Variants in WDR7 observed in about 807,000 individuals in gnomAD.
WDR7 encodes WD repeat domain 7, also known as WD repeat-containing protein 7.
Under a neutral mutation model 169.4 loss-of-function variants are expected in WDR7, and 46 were observed. That is an observed-to-expected ratio of 0.27 (90% confidence interval 0.21 to 0.35). The LOEUF (loss-of-function observed/expected upper bound fraction) is 0.35, where lower values mean the gene tolerates loss of function less well. Among genes scored for constraint, WDR7 ranks in the 10% least tolerant of loss-of-function variants. WDR7 has a pLI of 1.00. For synonymous variants in WDR7, 612 were observed against 666.8 expected (o/e 0.92, Z 1.27); for missense variants, 1,534 against 1,859.3 (o/e 0.83, Z 3.22).
At chr18:56,665,394 A>C (rs1348466027) in intron 1 of WDR7, among the ~76,000 whole-genome samples, 2 of 20,936 alleles carry the variant, frequency 9.6e-5, no homozygotes, top group East Asian at 0.036. Context: ...TGGGGCAAAA[A>C]CAAACAAACA....
At chr18:56,898,802 G>T (rs893907799) in intron 21 of WDR7, among the ~76,000 whole-genome samples, 1 of 152,042 alleles carries the variant, frequency 6.6e-6, no homozygotes, top group East Asian at 1.9e-4. Context: ...CAAAAAGGGC[G>T]CTGGTGAAGC....
chr18:56,854,205 G>A (rs2045683091), intron 20 of WDR7, among the ~76,000 whole-genome samples: 1 of 152,210 alleles, frequency 6.6e-6, no homozygotes, highest in South Asian at 2.1e-4. Flanking sequence ...TCCTCACACT[G>A]TCTGCCGGGA....
At chr18:56,972,010 CTG>C (rs1201489135) in intron 26 of WDR7, among the ~76,000 whole-genome samples, 1 of 152,070 alleles carries the variant, frequency 6.6e-6, no homozygotes, top group African/African-American at 2.4e-5. Context: ...TATTAAATAA[CTG>C]AATGCTGACA....
chr18:56,769,902 G>A (rs113325863), intron 16 of WDR7, among the ~76,000 whole-genome samples: 2,014 of 152,114 alleles, frequency 0.013, 22 homozygotes, highest in East Asian at 0.033. Flanking sequence ...AAAATTTGGC[G>A]GATTTGACTT....
chr18:56,755,172 T>A (rs548496399), intron 14 of WDR7, among the ~76,000 whole-genome samples: 15 of 152,200 alleles, frequency 9.9e-5, no homozygotes, highest in Non-Finnish European at 1.6e-4. Flanking sequence ...TCATTAGTCC[T>A]ATTTCTGGAA....
At chr18:56,885,587 G>A (rs2046177143) in intron 21 of WDR7, among the ~76,000 whole-genome samples, 1 of 151,880 alleles carries the variant, frequency 6.6e-6, no homozygotes, top group South Asian at 2.1e-4. Context: ...CACTTTGGGA[G>A]GCCCAGGCGG....
In WDR7 at chr18:56,756,593, C is replaced by T. The variant is rs1347820098; in HGVS notation, c.2000C>T (p.Pro667Leu). ...ASEASDKGNL[P>L]KYSHNSLMVQ... is the part of the protein sequence containing the mutation. ...AAATATTTATTACAGGGAAATTTAC[C>T]TAAATATTCTCATAACTCCCTGATG... is the stretch of plus-strand genomic sequence containing the variant. The change falls in exon 15 of 28, where the codon CCT becomes CTT. Residue 667 changes from proline to leucine, a missense_variant. By Grantham distance (98) the Pro-to-Leu change is moderately conservative (BLOSUM62 -3). Coordinates refer to ENST00000254442, the MANE Select transcript of WDR7 (RefSeq NM_015285.3). 1.3e-5 allele frequency: 20 copies of T among 1,569,004 alleles called. No homozygotes were observed. The highest frequency in any genetic ancestry group is 1.6e-5 in the Non-Finnish European group (19 of 1,160,816).
intron 14 of WDR7, among the ~76,000 whole-genome samples, chr18:56,733,589 T>C (rs2026634208): frequency 6.6e-6 from 1 of 152,210 alleles, no homozygotes; most frequent in African/African-American, 2.4e-5. Context: ...ATCAGGGCTA[T>C]ATGGAAGTAA....
intron 20 of WDR7, among the ~76,000 whole-genome samples, chr18:56,864,623 C>T (rs1031140553): frequency 6.6e-6 from 1 of 151,616 alleles, no homozygotes; most frequent in Admixed American, 6.6e-5. Context: ...ATGTATTTAA[C>T]CTCTCGGGTA....
intron 16 of WDR7, among the ~76,000 whole-genome samples, chr18:56,762,605 T>C (rs2043995494): frequency 6.6e-6 from 1 of 152,002 alleles, no homozygotes; most frequent in African/African-American, 2.4e-5. Context: ...TATGTCCTTG[T>C]TTTTATTCCT....
At chr18:56,819,089 A>G (rs1289518963) in intron 20 of WDR7, among the ~76,000 whole-genome samples, 1 of 152,196 alleles carries the variant, frequency 6.6e-6, no homozygotes, top group Non-Finnish European at 1.5e-5. Flanking sequence ...CACTAAAGGC[A>G]GAATACTTTT....
At chr18:56,911,957 C>T (rs1304621091) in intron 21 of WDR7, among the ~76,000 whole-genome samples, 2 of 152,102 alleles carry the variant, frequency 1.3e-5, no homozygotes, top group Admixed American at 6.5e-5. Context: ...TCTACATTAG[C>T]GCGAATGGAT....
chr18:56,974,412 T>C (rs1254500861), intron 26 of WDR7, among the ~76,000 whole-genome samples: 1 of 145,726 alleles, frequency 6.9e-6, no homozygotes, highest in African/African-American at 2.7e-5. Context: ...TTGCCCAAGC[T>C]GGAGTGCAGT....
intron 20 of WDR7, chr18:56,872,596 T>C (rs749618338): frequency 2.6e-5 from 4 of 152,184 alleles, no homozygotes; most frequent in African/African-American, 4.8e-5. Flanking sequence ...TGAGACCACG[T>C]ATCATTTTCA....
chr18:56,907,087 G>A (rs2046488392), intron 21 of WDR7, among the ~76,000 whole-genome samples: 1 of 152,176 alleles, frequency 6.6e-6, no homozygotes, highest in African/African-American at 2.4e-5. Context: ...AGCTTTCCAA[G>A]TCTGTGTGTT....
rs901328279 is a variant in WDR7 at position 57,003,381 on chromosome 18, A to T, written c.4165-17364A>T. Among the ~76,000 whole-genome samples, 15 of 152,110 alleles carry T rather than the reference A, an allele frequency of 9.9e-5. 1 individual carries two copies. The highest frequency in any genetic ancestry group is 3.6e-4 in the African/African-American group (15 of 41,438). On this transcript the variant is annotated intron_variant, in intron 26 of 27. Coordinates refer to ENST00000254442, the MANE Select transcript of WDR7 (RefSeq NM_015285.3). ...TTTAGATCTGCCTCAATTCAAAGGA[A>T]ATGTTGTTACTTTTTGAACAACATT...
chr18:57,016,294 A>G (rs2048206947), intron 26 of WDR7, among the ~76,000 whole-genome samples: 1 of 152,174 alleles, frequency 6.6e-6, no homozygotes, highest in South Asian at 2.1e-4. Flanking sequence ...ACTAAATGTT[A>G]TACAAAATAC....
intron 21 of WDR7, among the ~76,000 whole-genome samples, chr18:56,905,067 A>G (rs577661607): frequency 7.1e-4 from 108 of 152,312 alleles, no homozygotes; most frequent in Middle Eastern, 3.4e-3. Context: ...CCTAAAATTT[A>G]AGGAGTATCT....
intron 22 of WDR7, among the ~76,000 whole-genome samples, chr18:56,933,002 G>A (rs1237173867): frequency 6.6e-6 from 1 of 152,164 alleles, no homozygotes; most frequent in African/African-American, 2.4e-5. Context: ...GTAATGGTGA[G>A]TTTGCTATGA....
Sources: allele counts gnomAD v4.1 joint callset (sites outside exome capture counted in the v4.1 genomes callset), GRCh38; gene constraint gnomAD v4.1.1; transcripts MANE v1.5; gene names NCBI Gene and HGNC (gene_info 2026-07-23, HGNC 2026-07-21).